Variants in ARFGEF3 observed in about 807,000 individuals in gnomAD.
ARFGEF3 encodes the protein ARFGEF family member 3, also known as brefeldin A-inhibited guanine nucleotide-exchange protein 3.
A neutral mutation model predicts 221.7 loss-of-function variants in ARFGEF3; 96 were observed. That is an observed-to-expected ratio of 0.43 (90% CI 0.37 to 0.51). ARFGEF3 has a LOEUF of 0.51. Among genes scored for constraint, ARFGEF3 ranks in the 20% least tolerant of loss-of-function variants. The probability of loss-of-function intolerance (pLI) is 0.00; values close to 1 mark genes in which losing one functional copy is unlikely to be tolerated. For missense variants in ARFGEF3, 2,410 were observed against 2,789.9 expected (o/e 0.86, Z 3.07); for synonymous variants, 1,145 against 1,126.8 (o/e 1.02, Z -0.32).
intron 17 of ARFGEF3, among the ~76,000 whole-genome samples, chr6:138,289,431 G>T (rs1432072942): frequency 2.0e-5 from 3 of 152,216 alleles, no homozygotes; most frequent in African/African-American, 7.2e-5. Context: ...GAGAAAACTT[G>T]CAGAAAGCCA....
chr6:138,286,598 A>G, intron 15 of ARFGEF3, 103 bp from the exon 16 acceptor site: 1 of 836,908 alleles, frequency 1.2e-6, no homozygotes, highest in Non-Finnish European at 2.0e-6. Flanking sequence ...GTAGAATTGC[A>G]TGCAACTGAG....
chr6:138,291,053 G>C lies in ARFGEF3; in HGVS notation c.3048-680G>C, dbSNP rs1779393953. ...CCATGATGCTCTTTACCAGTAAACA[G>C]ACTTACTCCGAGATGAGGGACCTTG... On this transcript the variant is annotated intron_variant, in intron 18 of 33. Transcript: ENST00000251691. The surrounding 1 kb of genome is among the most constrained non-coding windows in gnomAD (Gnocchi z 4.5). Among the ~76,000 whole-genome samples the C allele has an allele frequency of 6.6e-6, 1 of 152,266 alleles. No homozygotes were observed. Among genetic ancestry groups the C allele is most frequent in the East Asian group, 1.9e-4 (1 of 5,174 alleles).
At chr6:138,292,126 C>A in intron 19 of ARFGEF3, 73 bp downstream of exon 19, 1 of 1,288,026 alleles carries the variant, frequency 7.8e-7, no homozygotes, top group South Asian at 1.8e-5. Flanking sequence ...TGGTTTCAGT[C>A]ATGCCAGGGA....
Position 138,338,799 on chromosome 6 carries a change from T to TAAAAAAAAAAAAAAAAAAAAAAAAAAAAA in ARFGEF3, c.*2333_*2334insAAAAAAAAAAAAAAAAAAAAAAAAAAAAA, listed in dbSNP as rs1354597205. 1 of 103,666 alleles carries TAAAAAAAAAAAAAAAAAAAAAAAAAAAAA rather than the reference T, an allele frequency of 9.6e-6. No homozygotes were observed. The highest frequency in any genetic ancestry group is 2.0e-5 in the Non-Finnish European group (1 of 49,462). 6.4% of individuals were successfully genotyped at this position (103,666 alleles called of 1,614,324 possible). On this transcript the variant is annotated 3_prime_UTR_variant, in exon 34 of 34. Transcript: ENST00000251691. The stretch of plus-strand genomic sequence containing the variant: ...TGGGTGACAAGAGTGAAACTCCATC[T>TAAAAAAAAAAAAAAAAAAAAAAAAAAAAA]AAAAAAAAAAAAAAAAAAAAGTGAA...
intron 3 of ARFGEF3, among the ~76,000 whole-genome samples, chr6:138,209,254 GC>G (rs1777676955): frequency 6.6e-6 from 1 of 152,100 alleles, no homozygotes; most frequent in African/African-American, 2.4e-5. Context: ...CTGTGACGAA[GC>G]CACATTTAGA....
Position 138,334,730 on chromosome 6 carries a change from T to A in ARFGEF3, c.5884T>A (p.Ser1962Thr), listed in dbSNP as rs766789122. The change falls in exon 33 of 34, where the codon TCC becomes ACC. Residue 1962 changes from serine (S) to threonine (T), a missense_variant. Ser to Thr is a moderately conservative substitution (Grantham distance 58). This residue lies in a region of ARFGEF3 where 339 missense variants were observed against 334.9 expected (regional missense o/e 1.01). Transcript: ENST00000251691. The surrounding 1 kb of genome is among the most constrained non-coding windows in gnomAD (Gnocchi z 5.1). ...GGGCTTCTCTGGGAAAGAAACCCCT[T>A]CCGAGGATGACAGAAGCCAGTCCCG... ...TGGFSGKETP[S>T]EDDRSQSREH... 2 of 1,609,280 alleles carry A rather than the reference T, an allele frequency of 1.2e-6. No individual in the cohort carries two copies. Among genetic ancestry groups the A allele is most frequent in the Admixed American group, 3.3e-5 (2 of 59,768 alleles).
intron 3 of ARFGEF3, 118 bp from the exon 4 acceptor site, chr6:138,209,792 G>T (rs1562353873): frequency 1.6e-6 from 2 of 1,272,594 alleles, no homozygotes; most frequent in East Asian, 4.8e-5. Flanking sequence ...TTTCTTAATG[G>T]CCTCCAGCTA....
chr6:138,326,105 C>G (rs1201734537), intron 31 of ARFGEF3, among the ~76,000 whole-genome samples: 1 of 152,172 alleles, frequency 6.6e-6, no homozygotes, highest in South Asian at 2.1e-4. Flanking sequence ...CATCCACCCA[C>G]CTCAGCCTCC....
At chr6:138,195,496 C>T (rs1046422989) in intron 2 of ARFGEF3, among the ~76,000 whole-genome samples, 1 of 152,136 alleles carries the variant, frequency 6.6e-6, no homozygotes, top group African/African-American at 2.4e-5. Flanking sequence ...AAGAGGACAA[C>T]CATGTACGGT....
chr6:138,234,236 G>A (rs966643681), intron 5 of ARFGEF3, among the ~76,000 whole-genome samples: 1 of 152,126 alleles, frequency 6.6e-6, no homozygotes, highest in Non-Finnish European at 1.5e-5. Context: ...ACCTGGGAAG[G>A]TGCACGAATC....
intron 6 of ARFGEF3, 127 bp from the exon 7 acceptor site, chr6:138,242,825 C>T: frequency 1.4e-6 from 1 of 707,150 alleles, no homozygotes; most frequent in African/African-American, 1.8e-5. Flanking sequence ...GGGGTGGGCT[C>T]AGGCAAGGTA....
chr6:138,219,583 A>G (rs1777940207), intron 4 of ARFGEF3, among the ~76,000 whole-genome samples: 1 of 152,180 alleles, frequency 6.6e-6, no homozygotes, highest in African/African-American at 2.4e-5. Flanking sequence ...GGCTGAGTGC[A>G]CTGACCTGGT....
rs779099399 is a variant in ARFGEF3 at position 138,263,227 on chromosome 6, T to A, written c.1744T>A (p.Cys582Ser). 7 of 1,613,898 alleles carry A rather than the reference T, an allele frequency of 4.3e-6. No individual in the cohort carries two copies. Among genetic ancestry groups the A allele is most frequent in the Non-Finnish European group, 5.9e-6 (7 of 1,179,902 alleles). ...CATAACTAACTTCCTGTCAGTAGAC[T>A]GCAGGACAAGGTCCTATGGATCTAG... ...PDITNFLSVD[C>S]RTRSYGSRYS... Residue 582 changes from cysteine to serine, a missense_variant, in exon 12 of 34, where the codon TGC (cysteine) becomes AGC (serine). By Grantham distance (112) the Cys-to-Ser change is moderately radical. This residue lies in a region of ARFGEF3 where 594 missense variants were observed against 734.3 expected (regional missense o/e 0.81). Coordinates refer to ENST00000251691, the MANE Select transcript of ARFGEF3 (RefSeq NM_020340.5).
Position 138,328,112 on chromosome 6 carries a change from A to G in ARFGEF3, c.5093A>G (p.Asp1698Gly). Residue 1698 changes from aspartate (D) to glycine (G), a missense_variant, in exon 32 of 34, where the codon GAT becomes GGT. Asp to Gly is a moderately conservative substitution (Grantham distance 94). Transcript: ENST00000251691. ...CAGCTCATTATTGAGCTGCCTCCTG[A>G]TGAAAAACCAAATGGACACACCAAG... ...SCQLIIELPP[D>G]EKPNGHTKKS... 6.3e-7 allele frequency: 1 copy of G among 1,590,384 alleles called. No homozygotes were observed. The highest frequency in any genetic ancestry group is 1.1e-5 in the South Asian group (1 of 86,974).
intron 2 of ARFGEF3, among the ~76,000 whole-genome samples, chr6:138,194,000 G>A (rs921041203): frequency 2.6e-5 from 4 of 152,154 alleles, no homozygotes; most frequent in African/African-American, 4.8e-5. Flanking sequence ...GGAGCCGGAC[G>A]CGGTGGCTCA....
chr6:138,170,990 G>T (rs889204283), intron 2 of ARFGEF3, among the ~76,000 whole-genome samples: 2 of 152,138 alleles, frequency 1.3e-5, no homozygotes, highest in Non-Finnish European at 2.9e-5. Flanking sequence ...GAGAGAAGGG[G>T]ACTGAATGCA....
rs1780086385 is a variant in ARFGEF3, at chr6:138,324,096, C to T, written c.4943C>T (p.Pro1648Leu). 2 of 1,613,842 alleles carry T rather than the reference C, an allele frequency of 1.2e-6. No homozygotes were observed. Among genetic ancestry groups the T allele is most frequent in the South Asian group, 1.1e-5 (1 of 91,076 alleles). ...GGCTGCCAGGTGCGAGTGGCGGCCC[C>T]GTCCTCCTCCCCAAGTGCCGAGGCC... ...GEGCQVRVAA[P>L]SSSPSAEAEY... The change falls in exon 31 of 34, where the codon CCG (proline) becomes CTG (leucine). Residue 1648 changes from proline to leucine, a missense_variant. Around this residue, in one of 5 missense-constraint regions of ARFGEF3, gnomAD observed 723 missense variants for 991.9 expected, o/e 0.73. Transcript: ENST00000251691.
At chr6:138,197,809 C>T (rs1213606669) in intron 2 of ARFGEF3, among the ~76,000 whole-genome samples, 1 of 152,208 alleles carries the variant, frequency 6.6e-6, no homozygotes, top group Non-Finnish European at 1.5e-5. Flanking sequence ...CGTGACTCAA[C>T]TGCCACTCTC....
At position 138,311,258 on chromosome 6, in the gene ARFGEF3, G is replaced by A. The variant is rs75479743; in HGVS notation, c.4097-149G>A. ...GGCTGAAAGGATTTTCCTCAGGGTT[G>A]TGCAATTTGGAGTCATTTTTCTCCT... On this transcript the variant is annotated intron_variant, in intron 24 of 33. Coordinates refer to ENST00000251691, the MANE Select transcript of ARFGEF3 (RefSeq NM_020340.5). The A allele has an allele frequency of 1.4e-3, 858 of 597,184 alleles. 4 individuals carry two copies. In the African/African-American group the frequency reaches 0.014, roughly 10 times the overall value. 37.0% of individuals were successfully genotyped at this position (597,184 alleles called of 1,614,324 possible).
Sources: allele counts gnomAD v4.1 joint callset (sites outside exome capture counted in the v4.1 genomes callset), GRCh38; gene constraint gnomAD v4.1.1; regional missense constraint gnomAD v4.1.1; non-coding constraint Gnocchi (gnomAD v3.1); transcripts MANE v1.5; gene names NCBI Gene and HGNC (gene_info 2026-07-23, HGNC 2026-07-21).